Variants in QRFPR observed in about 807,000 individuals in gnomAD.
QRFPR encodes the protein pyroglutamylated RF-amide peptide receptor.
QRFPR carries 37 observed loss-of-function variants against 31.3 expected under a neutral mutation model. The observed-to-expected ratio is 1.18, with a 90% CI of 0.91 to 1.56. The LOEUF (loss-of-function observed/expected upper bound fraction) is 1.56, where lower values mean the gene tolerates loss of function less well. QRFPR is among the 40% of genes most tolerant of loss of function. The pLI is 0.00. For missense variants in QRFPR, 542 were observed against 532.5 expected (o/e 1.02, Z -0.18); for synonymous variants, 197 against 192.0 (o/e 1.03, Z -0.22).
At chr4:121,365,959 T>C (rs1202793131) in intron 1 of QRFPR, among the ~76,000 whole-genome samples, 1 of 148,002 alleles carries the variant, frequency 6.8e-6, no homozygotes, top group Non-Finnish European at 1.5e-5. Context: ...GGGTTACTTA[T>C]AGTCAGTGTG....
chr4:121,366,839 C>T (rs1408766073), intron 1 of QRFPR, among the ~76,000 whole-genome samples: 2 of 150,090 alleles, frequency 1.3e-5, no homozygotes, highest in African/African-American at 4.9e-5. Context: ...ACATAGTAAG[C>T]TCTATGTTAA....
At chr4:121,361,004 G>A (rs1237963950) in intron 1 of QRFPR, among the ~76,000 whole-genome samples, 2 of 152,172 alleles carry the variant, frequency 1.3e-5, no homozygotes, top group Non-Finnish European at 1.5e-5. Flanking sequence ...TTAGTTAAAT[G>A]AGCAAGTGAA....
chr4:121,349,701 C>G (rs965645705), intron 1 of QRFPR, among the ~76,000 whole-genome samples: 1 of 152,196 alleles, frequency 6.6e-6, no homozygotes, highest in South Asian at 2.1e-4. Context: ...AAACATCTAC[C>G]AGATTTCATT....
intron 1 of QRFPR, among the ~76,000 whole-genome samples, chr4:121,358,349 G>A (rs1725908618): frequency 6.6e-6 from 1 of 152,108 alleles, no homozygotes; most frequent in Admixed American, 6.6e-5. Flanking sequence ...TCCTGACAGA[G>A]CCAATTTCAA....
At chr4:121,376,553 T>TA (rs1263771970) in intron 1 of QRFPR, among the ~76,000 whole-genome samples, 1 of 152,042 alleles carries the variant, frequency 6.6e-6, no homozygotes, top group Non-Finnish European at 1.5e-5. Context: ...GTTTTTTTTT[T>TA]TTTTCACTTT....
chr4:121,340,741 G>C (rs1037177316), intron 1 of QRFPR, 131 bp from the exon 2 acceptor site: 2 of 753,106 alleles, frequency 2.7e-6, no homozygotes, highest in Non-Finnish European at 4.2e-6. Flanking sequence ...TAATTACTCT[G>C]TAGACACAAA....
In QRFPR at chr4:121,362,859, T is replaced by C. The variant is rs745766963; in HGVS notation, c.340+17449A>G. On this transcript the variant is annotated intron_variant, in intron 1 of 5. Transcript: ENST00000394427. Reference sequence around the variant, plus strand: ...CAAATCCAATTTAGATAACTAACCATACTTATCTGACATGAAATACCCATT... The same window carrying C: ...CAAATCCAATTTAGATAACTAACCACACTTATCTGACATGAAATACCCATT... Among the ~76,000 whole-genome samples the C allele has an allele frequency of 3.3e-5, 5 of 150,536 alleles. No individual in the cohort carries two copies. In the South Asian group the frequency reaches 1.1e-3, roughly 32 times the overall value.
At chr4:121,330,397 T>A in intron 5 of QRFPR, 29 bp downstream of exon 5, 1 of 1,426,896 alleles carries the variant, frequency 7.0e-7, no homozygotes, top group Non-Finnish European at 9.9e-7. Context: ...AATGAGAATG[T>A]CTATCAAATG....
rs1277233144 is a variant in QRFPR at position 121,365,688 on chromosome 4, A to T, written c.340+14620T>A. 5.1e-4 allele frequency among the ~76,000 whole-genome samples: 49 copies of T among 96,938 alleles called. 2 individuals are homozygous for T. The highest frequency in any genetic ancestry group is 8.1e-4 in the Non-Finnish European group (43 of 53,196). The allele number at this position is 96,938 out of a possible 152,430, so 63.6% of individuals were successfully genotyped here. ...ATTTTATATATTATATATATATATA[A>T]AACTAGTGTCATCTCTTTCCCAGAA... On this transcript the variant is annotated intron_variant, in intron 1 of 5. Transcript: ENST00000394427.
At chr4:121,376,054 G>A (rs1403666272) in intron 1 of QRFPR, among the ~76,000 whole-genome samples, 1 of 152,166 alleles carries the variant, frequency 6.6e-6, no homozygotes, top group Admixed American at 6.5e-5. Context: ...GTGGCCCTAA[G>A]GAGGCAATGG....
Position 121,329,690 on chromosome 4 carries a change from T to A in QRFPR, c.920A>T (p.Asp307Val), listed in dbSNP as rs542242722. Residue 307 changes from aspartate to valine, a missense_variant, in exon 6 of 6, where the codon GAT becomes GTT. Asp to Val is a radical substitution (Grantham distance 152, BLOSUM62 -3). Coordinates refer to ENST00000394427, the MANE Select transcript of QRFPR (RefSeq NM_198179.3). ...EYSNFEKEYD[D>V]VTIKMIFAIV... ...AGCAAAAATCATCTTGATTGTGACA[T>A]CATCATATTCCTTTTCAAAATTACC... 6.4e-7 allele frequency: 1 copy of A among 1,552,400 alleles called. No individual in the cohort carries two copies. Among genetic ancestry groups the A allele is most frequent in the African/African-American group, 1.4e-5 (1 of 72,628 alleles).
intron 1 of QRFPR, among the ~76,000 whole-genome samples, chr4:121,375,557 G>A (rs999129089): frequency 3.3e-5 from 5 of 152,212 alleles, no homozygotes; most frequent in Admixed American, 2.6e-4. Flanking sequence ...ATGAGAGAAT[G>A]AGAGATGCTG....
rs1726457079 is a variant in QRFPR at position 121,380,233 on chromosome 4, G to A, written c.340+75C>T. On this transcript the variant is annotated intron_variant, in intron 1 of 5. Transcript: ENST00000394427. ...AGAGAGAGAGAGAGAGAGAGAGAGA[G>A]AGAGAGAGAGAGAGATCCCCTGAAA... The A allele has an allele frequency of 2.4e-5, 24 of 1,013,962 alleles. No individual in the cohort carries two copies. In the East Asian group the frequency reaches 5.6e-4, roughly 24 times the overall value. 62.8% of individuals were successfully genotyped at this position (1,013,962 alleles called of 1,614,324 possible).
At chr4:121,360,585 A>G (rs538518541) in intron 1 of QRFPR, among the ~76,000 whole-genome samples, 44 of 152,164 alleles carry the variant, frequency 2.9e-4, no homozygotes, top group African/African-American at 9.9e-4. Flanking sequence ...ACGTATCCAA[A>G]ATTTTTACTA....
intron 1 of QRFPR, chr4:121,369,608 G>A: frequency 6.2e-7 from 1 of 1,611,128 alleles, no homozygotes; most frequent in South Asian, 1.1e-5. Flanking sequence ...GGGCTTCTGG[G>A]CTCCTCGGTA....
chr4:121,357,469 G>A (rs1006405556), intron 1 of QRFPR, among the ~76,000 whole-genome samples: 4 of 152,124 alleles, frequency 2.6e-5, no homozygotes, highest in African/African-American at 7.2e-5. Flanking sequence ...CTCCCTATCT[G>A]CTGATCCAAA....
chr4:121,362,178 G>GT lies in QRFPR; in HGVS notation c.340+18129dup, dbSNP rs113854495. Among the ~76,000 whole-genome samples the GT allele has an allele frequency of 6.0e-3, 905 of 150,100 alleles. 60 individuals are homozygous for GT. The highest frequency in any genetic ancestry group is 0.021 in the African/African-American group (872 of 40,608). ...GATTTTTGTTAGAGATTTTCTTAAG[G>GT]TTTTTTAATGAAAGATAAGGAAATC... On this transcript the variant is annotated intron_variant, in intron 1 of 5. Coordinates refer to ENST00000394427, the MANE Select transcript of QRFPR (RefSeq NM_198179.3).
At chr4:121,342,622 T>A (rs1007199075) in intron 1 of QRFPR, among the ~76,000 whole-genome samples, 2 of 152,184 alleles carry the variant, frequency 1.3e-5, no homozygotes, top group Non-Finnish European at 2.9e-5. Flanking sequence ...GCTGCTAATT[T>A]GTTTTTTATT....
At chr4:121,341,060 T>G (rs1725535392) in intron 1 of QRFPR, among the ~76,000 whole-genome samples, 7 of 152,136 alleles carry the variant, frequency 4.6e-5, no homozygotes, top group Admixed American at 4.6e-4. Context: ...TTATTCTCCT[T>G]TGACTCCCTG....
Sources: allele counts gnomAD v4.1 joint callset (sites outside exome capture counted in the v4.1 genomes callset), GRCh38; gene constraint gnomAD v4.1.1; transcripts MANE v1.5; gene names NCBI Gene and HGNC (gene_info 2026-07-23, HGNC 2026-07-21).